The following FCHO2 variants were observed in gnomAD, a reference collection of about 807,000 sequenced individuals.
FCHO2 encodes the protein F-BAR domain only protein 2.
Under a neutral mutation model 114.1 loss-of-function variants are expected in FCHO2, and 43 were observed. The observed-to-expected ratio is 0.38, with a 90% CI of 0.30 to 0.49. FCHO2 has a LOEUF of 0.49. Ranked by LOEUF, FCHO2 falls within the 20% of genes least tolerant of loss-of-function variation. FCHO2 has a pLI of 0.97. For missense variants in FCHO2, 807 were observed against 950.4 expected (o/e 0.85, Z 1.98); for synonymous variants, 293 against 315.2 (o/e 0.93, Z 0.75).
At chr5:73,079,630 G>A (rs559780696) in intron 22 of FCHO2, among the ~76,000 whole-genome samples, 1 of 152,194 alleles carries the variant, frequency 6.6e-6, no homozygotes, top group South Asian at 2.1e-4. Flanking sequence ...TAAAATAAAG[G>A]CATGGGTGAA....
At chr5:73,061,208 T>G (rs1757836564) in intron 17 of FCHO2, among the ~76,000 whole-genome samples, 1 of 152,062 alleles carries the variant, frequency 6.6e-6, no homozygotes, top group Non-Finnish European at 1.5e-5. Flanking sequence ...TTGTACTGAC[T>G]ATAAATAGTT....
intron 8 of FCHO2, among the ~76,000 whole-genome samples, chr5:73,021,829 G>A (rs190904391): frequency 6.6e-6 from 1 of 152,258 alleles, no homozygotes; most frequent in African/African-American, 2.4e-5. Context: ...GAATGGAGTG[G>A]CTATTAGAAA....
At chr5:73,052,839 T>C (rs1451748060) in intron 13 of FCHO2, 1 of 170,838 alleles carries the variant, frequency 5.9e-6, no homozygotes, top group Non-Finnish European at 1.2e-5. Context: ...GAGCCTTATG[T>C]AGGAGGGAAT....
At chr5:72,979,484 C>T (rs1433533863) in intron 2 of FCHO2, among the ~76,000 whole-genome samples, 24 of 145,032 alleles carry the variant, frequency 1.7e-4, no homozygotes, top group African/African-American at 4.6e-4. Flanking sequence ...CTCCGCCTCC[C>T]GGGTTCACGC....
At chr5:73,052,653 T>A (rs1757393358) in intron 13 of FCHO2, 146 bp downstream of exon 13, 1 of 686,222 alleles carries the variant, frequency 1.5e-6, no homozygotes, top group African/African-American at 1.9e-5. Flanking sequence ...GAAATAAACT[T>A]GTGAATTTGG....
At chr5:72,996,867 G>T (rs2112686324) in intron 5 of FCHO2, 1 of 1,391,252 alleles carries the variant, frequency 7.2e-7, no homozygotes, top group Admixed American at 2.0e-5. Flanking sequence ...TGTGCCACGG[G>T]GGCCCCCGGG....
chr5:72,974,383 G>A (rs900062615), intron 2 of FCHO2, among the ~76,000 whole-genome samples: 2 of 146,112 alleles, frequency 1.4e-5, no homozygotes, highest in Non-Finnish European at 3.0e-5. Flanking sequence ...GAATCTGGGT[G>A]CTCCTGTATT....
chr5:73,059,064 T>TAAA (rs1757730107), intron 17 of FCHO2, among the ~76,000 whole-genome samples: 1 of 152,226 alleles, frequency 6.6e-6, no homozygotes. Context: ...AAATGTTTTT[T>TAAA]AGTTGTTTTG....
In FCHO2 at chr5:73,016,061, G is replaced by A. The variant is rs963966626; in HGVS notation, c.699+337G>A. Among the ~76,000 whole-genome samples the A allele has an allele frequency of 1.1e-4, 16 of 151,812 alleles. 1 individual carries two copies. The highest frequency in any genetic ancestry group is 2.1e-4 in the Non-Finnish European group (14 of 67,960). ...AAAGCAGCAACTTTATTAAACTATA[G>A]AACTTTTACTTAGAAGTGTTCCACA... On this transcript the variant is annotated intron_variant, in intron 7 of 25. Coordinates refer to ENST00000430046, the MANE Select transcript of FCHO2 (RefSeq NM_138782.3).
intron 11 of FCHO2, among the ~76,000 whole-genome samples, chr5:73,048,870 CTTTTTTTTTTTT>C (rs764057424): frequency 9.5e-6 from 1 of 105,436 alleles, no homozygotes; most frequent in Non-Finnish European, 1.8e-5. Context: ...AATTTGCTAT[CTTTTTTTTTTTT>C]TTTTTTTTTT....
rs541531308 is a variant in FCHO2 at position 72,974,605 on chromosome 5, G to A, written c.125+6016G>A. ...TTTGAGCCTATGTGTGTCTCTGCAT[G>A]TGAGATGGGTTTCCTGAATACAGCA... On this transcript the variant is annotated intron_variant, in intron 2 of 25. Coordinates refer to ENST00000430046, the MANE Select transcript of FCHO2 (RefSeq NM_138782.3). 7.2e-3 allele frequency among the ~76,000 whole-genome samples: 1,091 copies of A among 151,832 alleles called. 9 individuals are homozygous for A. Among genetic ancestry groups the A allele is most frequent in the Middle Eastern group, 0.034 (10 of 294 alleles).
intron 18 of FCHO2, among the ~76,000 whole-genome samples, chr5:73,064,303 G>T (rs1428364794): frequency 1.3e-5 from 2 of 152,014 alleles, no homozygotes; most frequent in Admixed American, 6.6e-5. Flanking sequence ...AAAGTATACT[G>T]CAAGGAGGAT....
At chr5:73,049,037 C>T (rs965062405) in intron 11 of FCHO2, among the ~76,000 whole-genome samples, 6 of 151,078 alleles carry the variant, frequency 4.0e-5, no homozygotes, top group East Asian at 1.9e-4. Flanking sequence ...CTACCACGCC[C>T]GGCTAATTTT....
chr5:73,020,871 C>T, intron 8 of FCHO2: 1 of 1,015,202 alleles, frequency 9.9e-7, no homozygotes, highest in Non-Finnish European at 1.6e-6. Context: ...TTAAGTGTAG[C>T]ACCTGTATCA....
rs112900970 is a variant in FCHO2 at position 72,976,266 on chromosome 5, G to A, written c.125+7677G>A. Reference sequence around the variant, plus strand: ...TTGCTTTTAATTTTTTTTTGTAGAGGCAAGGTCTTGCTATGTTTCCCAGGC... The same window carrying A: ...TTGCTTTTAATTTTTTTTTGTAGAGACAAGGTCTTGCTATGTTTCCCAGGC... On this transcript the variant is annotated intron_variant, in intron 2 of 25. Coordinates refer to ENST00000430046, the MANE Select transcript of FCHO2 (RefSeq NM_138782.3). Among the ~76,000 whole-genome samples, 783 of 152,028 alleles carry A rather than the reference G, an allele frequency of 5.2e-3. 7 individuals carry two copies. Among genetic ancestry groups the A allele is most frequent in the African/African-American group, 0.018 (739 of 41,462 alleles).
chr5:72,990,933 T>A lies in FCHO2; in HGVS notation c.495+69T>A, dbSNP rs967215182. On this transcript the variant is annotated intron_variant, in intron 5 of 25. Transcript: ENST00000430046. ...TGACATACAAAATTGCATTTAACAT[T>A]TAGATCAAACTGAAAATTATCTCAT... 6.2e-6 allele frequency: 9 copies of A among 1,462,958 alleles called. No individual in the cohort carries two copies. In the African/African-American group the frequency reaches 1.3e-4, roughly 21 times the overall value. The allele number at this position is 1,462,958 out of a possible 1,614,324, so 90.6% of individuals were successfully genotyped here. A position where few individuals can be genotyped will look rare whatever the true frequency, so the allele number is the denominator to read the frequency against.
chr5:73,004,097 G>A lies in FCHO2; in HGVS notation c.496-2348G>A, dbSNP rs577326352. Among the ~76,000 whole-genome samples the A allele has an allele frequency of 1.6e-4, 24 of 148,682 alleles. No homozygotes were observed. In the South Asian group the frequency reaches 2.2e-3, roughly 13 times the overall value. ...AATTCACTCTGAAGGACTGTAGGTC[G>A]TTTGATTGCTCTTATACTCACTGAA... On this transcript the variant is annotated intron_variant, in intron 5 of 25. Transcript: ENST00000430046.
chr5:72,984,210 C>T (rs569324970), intron 2 of FCHO2, among the ~76,000 whole-genome samples: 1 of 152,300 alleles, frequency 6.6e-6, no homozygotes, highest in African/African-American at 2.4e-5. Flanking sequence ...GTTAAATCAA[C>T]TTCCCATTCT....
intron 2 of FCHO2, among the ~76,000 whole-genome samples, chr5:72,979,746 T>A (rs1753096674): frequency 6.6e-6 from 1 of 152,202 alleles, no homozygotes; most frequent in African/African-American, 2.4e-5. Flanking sequence ...GTGTTTCTAG[T>A]ATTCTCTGAT....
Sources: allele counts gnomAD v4.1 joint callset (sites outside exome capture counted in the v4.1 genomes callset), GRCh38; gene constraint gnomAD v4.1.1; transcripts MANE v1.5; gene names NCBI Gene and HGNC (gene_info 2026-07-23, HGNC 2026-07-21).